ELOVL6: variants seen among roughly 807,000 people sequenced by gnomAD.
The protein encoded by ELOVL6 is very long chain fatty acid elongase 6.
In ELOVL6, 8 loss-of-function variants were observed where a neutral mutation model predicts 31.7. The observed-to-expected ratio is 0.25, with a 90% CI of 0.15 to 0.45. The LOEUF (loss-of-function observed/expected upper bound fraction) is 0.45, where lower values mean the gene tolerates loss of function less well. Among genes scored for constraint, ELOVL6 ranks in the 20% least tolerant of loss-of-function variants. The pLI is 1.00. For synonymous variants in ELOVL6, 101 were observed against 117.7 expected (o/e 0.86, Z 0.92); for missense variants, 126 against 326.4 (o/e 0.39, Z 4.73).
chr4:110,086,370 T>C (rs1756264070), intron 2 of ELOVL6, among the ~76,000 whole-genome samples: 1 of 152,212 alleles, frequency 6.6e-6, no homozygotes, highest in South Asian at 2.1e-4. Flanking sequence ...TACCACTATA[T>C]ACAATATTAA....
At chr4:110,093,171 T>C in intron 2 of ELOVL6, 3 of 438,552 alleles carry the variant, frequency 6.8e-6, no homozygotes, top group Non-Finnish European at 9.1e-6. Context: ...CATATTTTTG[T>C]CCACACTCAA....
intron 2 of ELOVL6, 30 bp downstream of exon 2, chr4:110,105,465 TAC>T (rs777415797): frequency 3.4e-5 from 54 of 1,576,384 alleles, no homozygotes; most frequent in Non-Finnish European, 4.0e-5. Flanking sequence ...ATAAAATGGA[TAC>T]GTTTTATTAG....
intron 2 of ELOVL6, among the ~76,000 whole-genome samples, chr4:110,090,850 G>T (rs1476681123): frequency 6.6e-6 from 1 of 151,970 alleles, no homozygotes; most frequent in Non-Finnish European, 1.5e-5. Flanking sequence ...CGATCCACCC[G>T]CCTCGGCCTC....
intron 1 of ELOVL6, among the ~76,000 whole-genome samples, chr4:110,107,294 T>C (rs538862329): frequency 6.6e-6 from 1 of 152,272 alleles, no homozygotes; most frequent in African/African-American, 2.4e-5. Flanking sequence ...TACAGACTCT[T>C]CTCTTGGGCC....
chr4:110,149,585 A>C lies in ELOVL6; in HGVS notation c.90-43957T>G, dbSNP rs73841818. 6.3e-3 allele frequency among the ~76,000 whole-genome samples: 954 copies of C among 152,326 alleles called. 11 individuals are homozygous for C. The highest frequency in any genetic ancestry group is 0.022 in the African/African-American group (918 of 41,582). On this transcript the variant is annotated intron_variant, in intron 1 of 3. Coordinates refer to ENST00000302274, the MANE Select transcript of ELOVL6 (RefSeq NM_024090.3). ...GCTAAATAATTTGTACAGAAGAAGC[A>C]GAGTGTGAAATGATGGACAATGAAG... is the stretch of plus-strand genomic sequence containing the variant.
At position 110,049,164 on chromosome 4, in the gene ELOVL6, G is replaced by T. The variant is rs188054700; in HGVS notation, c.*2174C>A. ...TAAGCATCTATTAGCTCTTATAAAA[G>T]GACCTGTCTTTTCAGCTCATGTCAG... is the stretch of plus-strand genomic sequence containing the variant. On this transcript the variant is annotated 3_prime_UTR_variant, in exon 4 of 4. Transcript: ENST00000302274. 5 of 152,150 alleles carry T rather than the reference G, an allele frequency of 3.3e-5. No individual in the cohort carries two copies. The highest frequency in any genetic ancestry group is 1.2e-4 in the African/African-American group (5 of 41,434). The allele number at this position is 152,150 out of a possible 1,614,324, so 9.4% of individuals were successfully genotyped here.
chr4:110,197,641 G>C (rs1759848956), intron 1 of ELOVL6, among the ~76,000 whole-genome samples: 1 of 152,048 alleles, frequency 6.6e-6, no homozygotes, highest in Non-Finnish European at 1.5e-5. Context: ...AAACCGGAAA[G>C]GGAACCGCGT....
At chr4:110,084,458 T>TATATGATATATCGCATATATC (rs1214129852) in intron 2 of ELOVL6, among the ~76,000 whole-genome samples, 8 of 123,372 alleles carry the variant, frequency 6.5e-5, no homozygotes, top group African/African-American at 2.8e-4. Flanking sequence ...GCATATATCA[T>TATATGATATATCGCATATATC]ATATGATATA....
At chr4:110,073,777 A>G (rs1027533123) in intron 2 of ELOVL6, among the ~76,000 whole-genome samples, 4 of 152,190 alleles carry the variant, frequency 2.6e-5, no homozygotes, top group African/African-American at 9.7e-5. Flanking sequence ...TTCTGAAGGA[A>G]AAGCCGGTTT....
intron 1 of ELOVL6, among the ~76,000 whole-genome samples, chr4:110,113,079 T>A (rs550878530): frequency 1.5e-3 from 226 of 150,672 alleles, no homozygotes; most frequent in African/African-American, 5.2e-3. Context: ...ACAAAAAAAA[T>A]TAGCCAGGCG....
At chr4:110,110,555 G>A (rs569744743) in intron 1 of ELOVL6, among the ~76,000 whole-genome samples, 5 of 151,726 alleles carry the variant, frequency 3.3e-5, no homozygotes, top group South Asian at 2.1e-4. Context: ...CTACAGGTGC[G>A]CCTGATTCTT....
intron 1 of ELOVL6, among the ~76,000 whole-genome samples, chr4:110,128,325 T>C (rs1757567754): frequency 6.6e-6 from 1 of 152,354 alleles, no homozygotes; most frequent in Middle Eastern, 3.4e-3. Flanking sequence ...AGCAAGATCA[T>C]GAGGACTCTT....
At chr4:110,162,886 T>C (rs998115594) in intron 1 of ELOVL6, among the ~76,000 whole-genome samples, 6 of 152,188 alleles carry the variant, frequency 3.9e-5, no homozygotes, top group African/African-American at 1.4e-4. Flanking sequence ...CACTCATTGA[T>C]GAAGAGAAAA....
intron 1 of ELOVL6, among the ~76,000 whole-genome samples, chr4:110,122,805 T>C (rs866699560): frequency 3.3e-5 from 5 of 152,192 alleles, no homozygotes; most frequent in Non-Finnish European, 7.3e-5. Context: ...TCACGCCCCT[T>C]TGTCCCACTT....
At chr4:110,184,532 C>T (rs1352542692) in intron 1 of ELOVL6, among the ~76,000 whole-genome samples, 2 of 152,084 alleles carry the variant, frequency 1.3e-5, no homozygotes, top group African/African-American at 4.8e-5. Flanking sequence ...CTTAAAACAA[C>T]GGGAAACCAC....
At chr4:110,086,248 A>G (rs954450767) in intron 2 of ELOVL6, among the ~76,000 whole-genome samples, 1 of 152,200 alleles carries the variant, frequency 6.6e-6, no homozygotes, top group Non-Finnish European at 1.5e-5. Flanking sequence ...TGATTCTGGA[A>G]CCAGGTATGT....
chr4:110,083,859 G>A lies in ELOVL6; in HGVS notation c.221+21638C>T, dbSNP rs929458671. Among the ~76,000 whole-genome samples the A allele has an allele frequency of 4.1e-5, 6 of 146,194 alleles. No individual in the cohort carries two copies. The East Asian group carries it at 1.2e-3, about 29-fold the overall frequency. ...GGCAGTATAGCTGCTTAGACTCCCT[G>A]AGATGCTGTGATGGATGCTGTGATA... On this transcript the variant is annotated intron_variant, in intron 2 of 3. Coordinates refer to ENST00000302274, the MANE Select transcript of ELOVL6 (RefSeq NM_024090.3).
intron 2 of ELOVL6, among the ~76,000 whole-genome samples, chr4:110,076,939 T>C (rs552719970): frequency 6.6e-6 from 1 of 152,196 alleles, no homozygotes; most frequent in Non-Finnish European, 1.5e-5. Context: ...GGAGATTATA[T>C]CCCGTGACTG....
intron 1 of ELOVL6, among the ~76,000 whole-genome samples, chr4:110,165,534 T>C (rs1758751210): frequency 6.6e-6 from 1 of 152,180 alleles, no homozygotes; most frequent in South Asian, 2.1e-4. Flanking sequence ...AGGGATGAGC[T>C]CAGGTTGTCT....
Sources: allele counts gnomAD v4.1 joint callset (sites outside exome capture counted in the v4.1 genomes callset), GRCh38; gene constraint gnomAD v4.1.1; transcripts MANE v1.5; gene names NCBI Gene and HGNC (gene_info 2026-07-23, HGNC 2026-07-21).